Variants in WHRN observed in about 807,000 individuals in gnomAD.
WHRN encodes whirlin.
A neutral mutation model predicts 68.3 loss-of-function variants in WHRN; 41 were observed. The ratio of observed to expected loss-of-function variants is 0.60; its 90% CI spans 0.47 to 0.78. The LOEUF is 0.78. Among genes scored for constraint, WHRN ranks in the 30% least tolerant of loss-of-function variants. The pLI is 0.00. For synonymous variants in WHRN, 560 were observed against 561.3 expected (o/e 1.00, Z 0.03); for missense variants, 1,243 against 1,244.7 (o/e 1.00, Z 0.02).
In WHRN at chr9:114,504,209, C is replaced by T. The variant is rs1464550448; in HGVS notation, c.593G>A (p.Arg198Gln). The T allele has an allele frequency of 1.9e-6, 3 of 1,614,196 alleles. No homozygotes were observed. The highest frequency in any genetic ancestry group is 1.7e-6 in the Non-Finnish European group (2 of 1,180,038). ...ILRVNDKSLA[R>Q]VTHAEAVKAL... Reference sequence around the variant, plus strand: ...CTTGACGGCCTCCGCGTGGGTCACCCGGGCCAGGGATTTGTCGTTGACGCG... The same window carrying T: ...CTTGACGGCCTCCGCGTGGGTCACCTGGGCCAGGGATTTGTCGTTGACGCG... Residue 198 changes from arginine to glutamine, a missense_variant, in exon 1 of 12, where the codon CGG becomes CAG. Physicochemically the swap from Arg to Gln is conservative, Grantham distance 43 (BLOSUM62 1). Transcript: ENST00000362057.
chr9:114,482,854 C>T (rs1016575630), intron 1 of WHRN, among the ~76,000 whole-genome samples: 3 of 152,138 alleles, frequency 2.0e-5, no homozygotes, highest in East Asian at 1.9e-4. Context: ...GAGCCAGCGC[C>T]GGAGAGGGCC....
intron 7 of WHRN, among the ~76,000 whole-genome samples, chr9:114,408,741 G>C (rs894848963): frequency 2.0e-5 from 3 of 152,214 alleles, no homozygotes; most frequent in Non-Finnish European, 4.4e-5. Flanking sequence ...AACTTGACTG[G>C]GCTAAGGGAT....
At chr9:114,462,733 T>C (rs1464542423) in intron 3 of WHRN, among the ~76,000 whole-genome samples, 1 of 152,256 alleles carries the variant, frequency 6.6e-6, no homozygotes, top group Non-Finnish European at 1.5e-5. Flanking sequence ...TGGGTGGCCT[T>C]GGACAAGTTG....
At chr9:114,407,611 G>C (rs1257315635) in intron 8 of WHRN, among the ~76,000 whole-genome samples, 1 of 152,122 alleles carries the variant, frequency 6.6e-6, no homozygotes, top group Non-Finnish European at 1.5e-5. Context: ...TCCATGCCAC[G>C]AACTTATGGG....
chr9:114,497,283 G>A (rs1452891745), intron 1 of WHRN, among the ~76,000 whole-genome samples: 1 of 152,134 alleles, frequency 6.6e-6, no homozygotes, highest in Non-Finnish European at 1.5e-5. Context: ...AAATCATGAC[G>A]AAACTGGCTG....
chr9:114,425,061 G>C (rs779279362), intron 4 of WHRN, 37 bp from the exon 5 acceptor site: 1 of 1,612,342 alleles, frequency 6.2e-7, no homozygotes. Flanking sequence ...TTGTGCATTT[G>C]AGCAGATCAA....
At chr9:114,425,710 T>C (rs970080988) in intron 4 of WHRN, 4 of 241,234 alleles carry the variant, frequency 1.7e-5, no homozygotes, top group Middle Eastern at 1.5e-3. Context: ...AGATTTCTGA[T>C]GAAGATCAAA....
At chr9:114,498,222 T>TC (rs1455806168) in intron 1 of WHRN, among the ~76,000 whole-genome samples, 1 of 152,164 alleles carries the variant, frequency 6.6e-6, no homozygotes, top group Non-Finnish European at 1.5e-5. Flanking sequence ...ATCTTGGTTA[T>TC]CCTGGAGCAA....
rs1450808635 is a variant in WHRN at position 114,478,543 on chromosome 9, C to T, written c.837+10G>A. ...CTGAGAGGCTGGCCTCCTTTCCCCA[C>T]CCCACTCACCTTTTTCTCATCCCCT... On this transcript the variant is annotated intron_variant, in intron 2 of 11. Transcript: ENST00000362057. The T allele has an allele frequency of 2.5e-6, 4 of 1,614,052 alleles. No homozygotes were observed. The highest frequency in any genetic ancestry group is 3.4e-6 in the Non-Finnish European group (4 of 1,179,920).
chr9:114,434,035 T>C (rs1837637376), intron 3 of WHRN, among the ~76,000 whole-genome samples: 1 of 152,200 alleles, frequency 6.6e-6, no homozygotes, highest in South Asian at 2.1e-4. Context: ...CCCAAGGTCG[T>C]ACTCTGAGTC....
intron 1 of WHRN, among the ~76,000 whole-genome samples, chr9:114,496,846 C>A (rs935068318): frequency 1.3e-5 from 2 of 152,206 alleles, no homozygotes; most frequent in African/African-American, 2.4e-5. Flanking sequence ...TACCACCCTT[C>A]CTCAGATTTT....
Position 114,470,876 on chromosome 9 carries a change from A to G in WHRN, c.838-4484T>C, listed in dbSNP as rs1277939237. On this transcript the variant is annotated intron_variant, in intron 2 of 11. Coordinates refer to ENST00000362057, the MANE Select transcript of WHRN (RefSeq NM_015404.4). ...GACATGAAGATCCCAGCAGGGAGAGAGCCAAGAGAAGCTTGGGCATCTTTG... is the reference window on the plus strand; with the variant it reads ...GACATGAAGATCCCAGCAGGGAGAGGGCCAAGAGAAGCTTGGGCATCTTTG... Among the ~76,000 whole-genome samples, 5 of 148,776 alleles carry G rather than the reference A, an allele frequency of 3.4e-5. No homozygotes were observed. The East Asian group carries it at 1.0e-3, about 31-fold the overall frequency.
chr9:114,474,542 C>CTAACCTCTGGATACTGTCATGCTG (rs1474618046), intron 2 of WHRN, among the ~76,000 whole-genome samples: 1 of 152,188 alleles, frequency 6.6e-6, no homozygotes, highest in Admixed American at 6.5e-5. Context: ...CTTGCTCTCT[C>CTAACCTCTGGATACTGTCATGCTG]TAACCTCTGG....
At chr9:114,469,487 G>GC (rs1564193323) in intron 2 of WHRN, among the ~76,000 whole-genome samples, 1 of 152,198 alleles carries the variant, frequency 6.6e-6, no homozygotes, top group Non-Finnish European at 1.5e-5. Context: ...CTCAAGAACT[G>GC]CCCTAGGCCA....
intron 2 of WHRN, 93 bp from the exon 3 acceptor site, chr9:114,466,485 G>T: frequency 6.4e-7 from 1 of 1,573,262 alleles, no homozygotes; most frequent in Non-Finnish European, 8.7e-7. Flanking sequence ...ACTTTGAAGA[G>T]CGCATCTTAT....
intron 7 of WHRN, among the ~76,000 whole-genome samples, chr9:114,408,670 C>A (rs897531650): frequency 6.6e-6 from 1 of 152,234 alleles, no homozygotes; most frequent in Non-Finnish European, 1.5e-5. Context: ...CCAGTTCTCT[C>A]GGCCCTAGAG....
chr9:114,429,736 T>G (rs1837238487), intron 3 of WHRN, among the ~76,000 whole-genome samples: 1 of 152,168 alleles, frequency 6.6e-6, no homozygotes, highest in South Asian at 2.1e-4. Context: ...TGCCCTTCCC[T>G]ATCTCGCCTC....
chr9:114,487,298 T>C (rs1842632273), intron 1 of WHRN, among the ~76,000 whole-genome samples: 1 of 151,528 alleles, frequency 6.6e-6, no homozygotes, highest in Non-Finnish European at 1.5e-5. Flanking sequence ...GACTGATATG[T>C]GTTGATGTCT....
At chr9:114,464,544 C>T (rs575046217) in intron 3 of WHRN, among the ~76,000 whole-genome samples, 11 of 152,298 alleles carry the variant, frequency 7.2e-5, no homozygotes, top group African/African-American at 2.6e-4. Flanking sequence ...CCCTCATGAC[C>T]TAATCATCTC....
Sources: gnomAD v4.1 joint callset for allele counts (sites outside exome capture counted in the v4.1 genomes callset) on GRCh38, gnomAD v4.1.1 for gene constraint, MANE v1.5 for transcripts, NCBI Gene and HGNC (gene_info 2026-07-23, HGNC 2026-07-21) for gene names.